The following CACNA1D variants were observed in gnomAD, a reference collection of about 807,000 sequenced individuals.
CACNA1D encodes the protein voltage-dependent L-type calcium channel subunit alpha-1D.
Under a neutral mutation model 257.1 loss-of-function variants are expected in CACNA1D, and 55 were observed. That is an observed-to-expected ratio of 0.21 (90% CI 0.17 to 0.27). The LOEUF (loss-of-function observed/expected upper bound fraction) is 0.27. Ranked by LOEUF, CACNA1D falls within the 10% of genes least tolerant of loss-of-function variation. The pLI is 1.00. For missense variants in CACNA1D, 1,876 were observed against 2,784.0 expected (o/e 0.67, Z 7.34); for synonymous variants, 980 against 1,014.9 (o/e 0.97, Z 0.65).
chr3:53,782,264 G>GTGTGTGTGTATATATATATA (rs6147823), intron 39 of CACNA1D: 13 of 75,450 alleles, frequency 1.7e-4, no homozygotes, highest in Non-Finnish European at 2.2e-4. Context: ...GTGTGTGTGT[G>GTGTGTGTGTATATATATATA]TATATATATA....
chr3:53,747,253 C>T, intron 25 of CACNA1D, 49 bp from the exon 26 acceptor site: 1 of 1,567,598 alleles, frequency 6.4e-7, no homozygotes, highest in Non-Finnish European at 8.8e-7. Context: ...ACGCTGCTTC[C>T]ACCTGTCATG....
intron 3 of CACNA1D, among the ~76,000 whole-genome samples, chr3:53,593,071 T>G (rs1476698311): frequency 2.0e-5 from 3 of 152,172 alleles, no homozygotes; most frequent in African/African-American, 7.2e-5. Context: ...AATTAACATA[T>G]TCACGCCTTT....
At chr3:53,701,644 C>T (rs954618401) in intron 8 of CACNA1D, among the ~76,000 whole-genome samples, 1 of 152,228 alleles carries the variant, frequency 6.6e-6, no homozygotes, top group African/African-American at 2.4e-5. Flanking sequence ...GCTTCCTTGG[C>T]AGCTTTTTAC....
intron 3 of CACNA1D, among the ~76,000 whole-genome samples, chr3:53,611,641 T>A (rs1211207204): frequency 2.6e-5 from 4 of 152,216 alleles, no homozygotes; most frequent in Non-Finnish European, 5.9e-5. Context: ...CGATTACATG[T>A]ATTAACCCAG....
intron 8 of CACNA1D, among the ~76,000 whole-genome samples, chr3:53,695,122 A>G (rs987400710): frequency 9.2e-5 from 14 of 152,156 alleles, no homozygotes; most frequent in African/African-American, 3.4e-4. Flanking sequence ...GCTGTTGCCC[A>G]GGGAAAGAAA....
intron 6 of CACNA1D, 26 bp downstream of exon 6, chr3:53,665,838 T>C: frequency 6.3e-7 from 1 of 1,599,882 alleles, no homozygotes; most frequent in Non-Finnish European, 8.5e-7. Flanking sequence ...TGTAGCTAAC[T>C]TAACTTTAAA....
At chr3:53,731,027 C>A (rs1195772270) in intron 16 of CACNA1D, 50 bp from the exon 17 acceptor site, 3 of 1,119,332 alleles carry the variant, frequency 2.7e-6, no homozygotes, top group Admixed American at 1.8e-5. Context: ...CATTTTTATA[C>A]AGAGTAACAT....
intron 3 of CACNA1D, among the ~76,000 whole-genome samples, chr3:53,627,850 TA>T (rs2093777578): frequency 6.6e-6 from 1 of 151,874 alleles, no homozygotes; most frequent in Non-Finnish European, 1.5e-5. Flanking sequence ...CCATCTCTAC[TA>T]AAAATACAAA....
chr3:53,798,386 T>C (rs1045008343), intron 40 of CACNA1D, among the ~76,000 whole-genome samples: 1 of 152,144 alleles, frequency 6.6e-6, no homozygotes. Context: ...CATACCCACA[T>C]GTGCATATGT....
intron 3 of CACNA1D, among the ~76,000 whole-genome samples, chr3:53,575,905 G>A (rs949616545): frequency 6.6e-6 from 1 of 152,150 alleles, no homozygotes; most frequent in African/African-American, 2.4e-5. Flanking sequence ...TGTTAGAAAT[G>A]GGAAGAATAT....
At position 53,742,991 on chromosome 3, in the gene CACNA1D, A is replaced by G. The variant is rs765340940; in HGVS notation, c.2812-20A>G. The stretch of plus-strand genomic sequence containing the variant: ...CTTTGGAGACAAAAAATGGTAAATC[A>G]TCCATGATTCTGCTTCTAGATGACA... On this transcript the variant is annotated intron_variant, in intron 21 of 47. Coordinates refer to ENST00000350061, the MANE Select transcript of CACNA1D (RefSeq NM_001128840.3). 1.3e-6 allele frequency: 2 copies of G among 1,508,882 alleles called. No individual in the cohort carries two copies. The highest frequency in any genetic ancestry group is 1.8e-6 in the Non-Finnish European group (2 of 1,084,060). 93.5% of individuals were successfully genotyped at this position (1,508,882 alleles called of 1,614,324 possible).
intron 7 of CACNA1D, among the ~76,000 whole-genome samples, chr3:53,670,183 ATC>A (rs2094309005): frequency 6.6e-6 from 1 of 152,142 alleles, no homozygotes. Context: ...CACCTAGGAA[ATC>A]TCTCTGTAAC....
intron 26 of CACNA1D, among the ~76,000 whole-genome samples, chr3:53,748,025 A>G (rs1342869200): frequency 6.6e-6 from 1 of 152,196 alleles, no homozygotes; most frequent in Non-Finnish European, 1.5e-5. Context: ...GTGTCTAAAC[A>G]TGCTTCCTCT....
chr3:53,544,118 T>C (rs947909015), intron 3 of CACNA1D, among the ~76,000 whole-genome samples: 1 of 152,122 alleles, frequency 6.6e-6, no homozygotes, highest in Non-Finnish European at 1.5e-5. Context: ...GGATATTTCA[T>C]GGACTGGGGA....
At chr3:53,804,603 T>C (rs758255961) in intron 44 of CACNA1D, among the ~76,000 whole-genome samples, 3 of 152,156 alleles carry the variant, frequency 2.0e-5, no homozygotes, top group Non-Finnish European at 2.9e-5. Flanking sequence ...TCTAAGCCCA[T>C]TGAGGGTGGG....
rs149924998 is a variant in CACNA1D, at chr3:53,549,000, C to T, written c.483+47280C>T. On this transcript the variant is annotated intron_variant, in intron 3 of 47. Coordinates refer to ENST00000350061, the MANE Select transcript of CACNA1D (RefSeq NM_001128840.3). ...AATAATTGATGTTGGGGGTGTTGAG[C>T]AGTAACAGAAGAGTTAAAAAATAGA... Among the ~76,000 whole-genome samples the T allele has an allele frequency of 2.6e-3, 395 of 152,206 alleles. 1 individual carries two copies. Among genetic ancestry groups the T allele is most frequent in the African/African-American group, 9.0e-3 (373 of 41,518 alleles).
intron 29 of CACNA1D, among the ~76,000 whole-genome samples, chr3:53,759,565 T>G (rs1000194042): frequency 6.6e-6 from 1 of 152,244 alleles, no homozygotes; most frequent in Non-Finnish European, 1.5e-5. Flanking sequence ...TGACCAAGTT[T>G]TTGATCAAGG....
At chr3:53,523,489 C>G (rs1415591883) in intron 3 of CACNA1D, among the ~76,000 whole-genome samples, 1 of 152,244 alleles carries the variant, frequency 6.6e-6, no homozygotes, top group East Asian at 1.9e-4. Flanking sequence ...AGAATCATAG[C>G]AAATTCACAG....
At position 53,549,215 on chromosome 3, in the gene CACNA1D, T is replaced by G. The variant is rs544451668; in HGVS notation, c.483+47495T>G. Among the ~76,000 whole-genome samples, 3 of 152,316 alleles carry G rather than the reference T, an allele frequency of 2.0e-5. No individual in the cohort carries two copies. The South Asian group carries it at 6.2e-4, about 32-fold the overall frequency. Reference sequence around the variant, plus strand: ...GGCTGAGTATAGTAGGCATTTTCTTTTTGTCACGTACTGATGTCACAATAC... The same window carrying G: ...GGCTGAGTATAGTAGGCATTTTCTTGTTGTCACGTACTGATGTCACAATAC... On this transcript the variant is annotated intron_variant, in intron 3 of 47. Coordinates refer to ENST00000350061, the MANE Select transcript of CACNA1D (RefSeq NM_001128840.3).
Sources: allele counts gnomAD v4.1 joint callset (sites outside exome capture counted in the v4.1 genomes callset), GRCh38; gene constraint gnomAD v4.1.1; transcripts MANE v1.5; gene names NCBI Gene and HGNC (gene_info 2026-07-23, HGNC 2026-07-21).